Variants in GOLGA5 observed in about 807,000 individuals in gnomAD.
GOLGA5 encodes the protein golgin subfamily A member 5.
In GOLGA5, 50 loss-of-function variants were observed where a neutral mutation model predicts 93.5. The ratio of observed to expected loss-of-function variants is 0.53; its 90% CI spans 0.43 to 0.68. The LOEUF (loss-of-function observed/expected upper bound fraction) is 0.68, where lower values mean the gene tolerates loss of function less well. Ranked by LOEUF, GOLGA5 falls within the 30% of genes least tolerant of loss-of-function variation. The pLI is 0.00. For missense variants in GOLGA5, 760 were observed against 856.4 expected (o/e 0.89, Z 1.40); for synonymous variants, 312 against 304.5 (o/e 1.02, Z -0.26).
intron 7 of GOLGA5, 51 bp from the exon 8 acceptor site, chr14:92,819,657 G>A (rs779123027): frequency 6.3e-7 from 1 of 1,579,206 alleles, no homozygotes; most frequent in South Asian, 1.1e-5. Flanking sequence ...CTCAATAAAT[G>A]TTGAACTGAA....
intron 9 of GOLGA5, among the ~76,000 whole-genome samples, chr14:92,827,865 A>G (rs976876139): frequency 5.3e-5 from 8 of 152,240 alleles, no homozygotes; most frequent in African/African-American, 1.7e-4. Context: ...CAGCCACAAC[A>G]TTCCCTTAAG....
At chr14:92,838,530 G>A (rs942233764) in intron 12 of GOLGA5, among the ~76,000 whole-genome samples, 12 of 152,246 alleles carry the variant, frequency 7.9e-5, no homozygotes, top group African/African-American at 2.4e-4. Context: ...ACTGCACCTA[G>A]CGAATTTTTC....
chr14:92,825,970 C>T (rs1769820777), intron 9 of GOLGA5, among the ~76,000 whole-genome samples: 1 of 151,516 alleles, frequency 6.6e-6, no homozygotes, highest in African/African-American at 2.4e-5. Flanking sequence ...GCCTGGGCAA[C>T]ATAGCGAGAC....
chr14:92,804,473 GTTTCATTTATACCCTCCCATT>G (rs1346010953), intron 2 of GOLGA5, among the ~76,000 whole-genome samples: 1 of 151,914 alleles, frequency 6.6e-6, no homozygotes, highest in African/African-American at 2.4e-5. Flanking sequence ...GGCCATTCAT[GTTTCATTTATACCCTCCCATT>G]TCCCATCACT....
intron 1 of GOLGA5, among the ~76,000 whole-genome samples, chr14:92,794,976 A>G (rs8012173): frequency 0.74 from 112,380 of 152,254 alleles, 41,922 homozygotes; most frequent in East Asian, 0.85. Context: ...CCCAGGGCCC[A>G]TCTAAGTATT....
intron 8 of GOLGA5, among the ~76,000 whole-genome samples, chr14:92,820,692 C>G (rs1885300295): frequency 6.6e-6 from 1 of 152,198 alleles, no homozygotes; most frequent in Non-Finnish European, 1.5e-5. Flanking sequence ...TTCCGCAGTG[C>G]ATTGTGCCCC....
intron 7 of GOLGA5, 39 bp from the exon 8 acceptor site, chr14:92,819,669 G>A (rs201335144): frequency 1.3e-6 from 2 of 1,598,158 alleles, no homozygotes; most frequent in East Asian, 2.2e-5. Context: ...TGAACTGAAT[G>A]TTAATTATTG....
At chr14:92,837,577 T>C in intron 12 of GOLGA5, 128 bp downstream of exon 12, 1 of 627,886 alleles carries the variant, frequency 1.6e-6, no homozygotes, top group Non-Finnish European at 2.8e-6. Flanking sequence ...TTTTTTGTTT[T>C]TTTTGAAACA....
intron 10 of GOLGA5, 122 bp from the exon 11 acceptor site, chr14:92,835,437 G>T: frequency 1.8e-6 from 1 of 562,456 alleles, no homozygotes; most frequent in African/African-American, 1.8e-5. Context: ...ATCTACTTTG[G>T]GGTGATGCTT....
intron 7 of GOLGA5, 23 bp downstream of exon 7, chr14:92,816,444 TTAG>T: frequency 6.2e-7 from 1 of 1,600,676 alleles, no homozygotes; most frequent in South Asian, 1.1e-5. Context: ...GTGGTTCAGC[TTAG>T]TAGACACCAT....
At chr14:92,799,931 T>C (rs1884832571) in intron 2 of GOLGA5, among the ~76,000 whole-genome samples, 1 of 152,210 alleles carries the variant, frequency 6.6e-6, no homozygotes, top group South Asian at 2.1e-4. Context: ...GAGTTGATTA[T>C]TGATGGGAGA....
At chr14:92,813,194 CT>C (rs1160524551) in intron 6 of GOLGA5, among the ~76,000 whole-genome samples, 1 of 152,110 alleles carries the variant, frequency 6.6e-6, no homozygotes, top group Non-Finnish European at 1.5e-5. Context: ...TTTCTAAGTA[CT>C]TTTTTGTATC....
At chr14:92,834,205 T>A (rs1885590563) in intron 10 of GOLGA5, among the ~76,000 whole-genome samples, 1 of 151,252 alleles carries the variant, frequency 6.6e-6, no homozygotes, top group Admixed American at 6.6e-5. Context: ...TATTTTATTT[T>A]TTTATTATTA....
At chr14:92,833,021 C>G (rs1291179240) in intron 9 of GOLGA5, 101 bp from the exon 10 acceptor site, 2 of 730,844 alleles carry the variant, frequency 2.7e-6, no homozygotes, top group Non-Finnish European at 4.8e-6. Context: ...TTTGAGAAAT[C>G]AATGAATGCC....
In GOLGA5 at chr14:92,806,977, T is replaced by C. The variant is rs893146007; in HGVS notation, c.772+14T>C. ...AGACTCAAGAAGGTAGAGGCTTAAA[T>C]TGTTCAGGATTAGGAATTTAACTTT... On this transcript the variant is annotated intron_variant, in intron 3 of 12. Coordinates refer to ENST00000163416, the MANE Select transcript of GOLGA5 (RefSeq NM_005113.4). 1 of 1,472,040 alleles carries C rather than the reference T, an allele frequency of 6.8e-7. No homozygotes were observed. The highest frequency in any genetic ancestry group is 1.1e-5 in the South Asian group (1 of 88,276). The allele number at this position is 1,472,040 out of a possible 1,614,324, so 91.2% of individuals were successfully genotyped here. A position where few individuals can be genotyped will look rare whatever the true frequency, so the allele number is the denominator to read the frequency against.
rs1885202687 is a variant in GOLGA5 at position 92,816,289 on chromosome 14, T to C, written c.1359T>C (p.Ser453=). The C allele has an allele frequency of 6.2e-7, 1 of 1,613,692 alleles. No homozygotes were observed. Among genetic ancestry groups the C allele is most frequent in the African/African-American group, 1.3e-5 (1 of 75,026 alleles). The change falls in exon 7 of 13, where the codon TCT becomes TCC. Residue 453 remains serine, a synonymous_variant. Transcript: ENST00000163416. ...EKLINSLKEG[S]GFEGLDSSTA... is the part of the protein sequence containing the mutation. ...TGATTAACAGCTTGAAAGAAGGCTCTGGTTTTGAAGGCCTAGATAGCAGCA... is the reference window on the plus strand; with the variant it reads ...TGATTAACAGCTTGAAAGAAGGCTCCGGTTTTGAAGGCCTAGATAGCAGCA...
chr14:92,804,386 T>C (rs1884937081), intron 2 of GOLGA5, among the ~76,000 whole-genome samples: 1 of 151,362 alleles, frequency 6.6e-6, no homozygotes, highest in African/African-American at 2.4e-5. Context: ...CTTTTTAAAA[T>C]CTTTATTTTA....
At chr14:92,839,257 T>C (rs1274612798) in intron 12 of GOLGA5, 109 bp from the exon 13 acceptor site, 1 of 697,212 alleles carries the variant, frequency 1.4e-6, no homozygotes, top group Non-Finnish European at 2.6e-6. Flanking sequence ...ATGTGTCCCA[T>C]AGGGGATACA....
At chr14:92,828,050 A>C (rs1178776219) in intron 9 of GOLGA5, among the ~76,000 whole-genome samples, 2 of 152,232 alleles carry the variant, frequency 1.3e-5, no homozygotes, top group Non-Finnish European at 2.9e-5. Flanking sequence ...GTGCTAATGG[A>C]GAAACTGCTG....
Sources: gnomAD v4.1 joint callset for allele counts (sites outside exome capture counted in the v4.1 genomes callset) on GRCh38, gnomAD v4.1.1 for gene constraint, MANE v1.5 for transcripts, NCBI Gene and HGNC (gene_info 2026-07-23, HGNC 2026-07-21) for gene names.